The following PDE1C variants were observed in gnomAD, a reference collection of about 807,000 sequenced individuals.
PDE1C encodes the protein phosphodiesterase 1C.
In PDE1C, 62 loss-of-function variants were observed where a neutral mutation model predicts 93.1. The observed-to-expected ratio is 0.67, with a 90% CI of 0.54 to 0.82. PDE1C has a LOEUF of 0.82. Among genes scored for constraint, PDE1C ranks in the 40% least tolerant of loss-of-function variants. PDE1C has a pLI of 0.00. For synonymous variants in PDE1C, 325 were observed against 310.1 expected, an observed-to-expected ratio of 1.05 and a Z score of -0.50; for missense variants, 742 against 884.6, an observed-to-expected ratio of 0.84 and a Z score of 2.04.
chr7:32,068,914 C>T (rs1795710159), intron 1 of PDE1C, among the ~76,000 whole-genome samples: 1 of 152,192 alleles, frequency 6.6e-6, no homozygotes, highest in South Asian at 2.1e-4. Flanking sequence ...TACAATCGGA[C>T]GTAATGTTCA....
rs1812799261 is a variant in PDE1C at position 32,298,870 on chromosome 7, C to T, written c.-135G>A. Reference sequence around the variant, plus strand: ...GCCGCGCTGTCACTCTCAGCCCCGCCGCGCGCTGGCAGCTGAGCGCCTGGA... The same window carrying T: ...GCCGCGCTGTCACTCTCAGCCCCGCTGCGCGCTGGCAGCTGAGCGCCTGGA... On this transcript the variant is annotated 5_prime_UTR_variant, in exon 1 of 19. Transcript: ENST00000396193. 5.1e-6 allele frequency: 7 copies of T among 1,376,522 alleles called. No individual in the cohort carries two copies. The South Asian group carries it at 1.2e-4, about 24-fold the overall frequency. The allele number at this position is 1,376,522 out of a possible 1,614,324, so 85.3% of individuals were successfully genotyped here.
chr7:31,809,870 T>C lies in PDE1C; in HGVS notation c.1814-762A>G, dbSNP rs1787339131. 2.0e-5 allele frequency among the ~76,000 whole-genome samples: 3 copies of C among 152,098 alleles called. No homozygotes were observed. The South Asian group carries it at 6.2e-4, about 32-fold the overall frequency. On this transcript the variant is annotated intron_variant, in intron 15 of 17. Transcript: ENST00000396191. ...TCACAGTACCTAGGCTTGAATCAAA[T>C]AGTAAGTAAAGTTAAACACAGTCAT...
intron 1 of PDE1C, among the ~76,000 whole-genome samples, chr7:32,371,863 G>C (rs888799034): frequency 2.6e-5 from 4 of 152,036 alleles, no homozygotes; most frequent in Non-Finnish European, 5.9e-5. Flanking sequence ...GCCAAGGCAG[G>C]GGATTCAGAA....
intron 2 of PDE1C, among the ~76,000 whole-genome samples, chr7:31,964,847 G>A (rs75601342): frequency 6.6e-6 from 1 of 152,152 alleles, no homozygotes; most frequent in Admixed American, 6.5e-5. Context: ...AGGCAAACAG[G>A]GTCTGGAGTG....
intron 1 of PDE1C, among the ~76,000 whole-genome samples, chr7:32,228,444 C>T (rs765471481): frequency 6.6e-6 from 1 of 152,148 alleles, no homozygotes; most frequent in Non-Finnish European, 1.5e-5. Context: ...TTATTTCCAT[C>T]TTACAAATGA....
At chr7:31,793,710 A>T (rs896580691) in intron 16 of PDE1C, among the ~76,000 whole-genome samples, 4 of 151,880 alleles carry the variant, frequency 2.6e-5, no homozygotes, top group African/African-American at 9.7e-5. Flanking sequence ...GAAAACATTA[A>T]GAAAAAACAA....
chr7:31,682,090 C>T, the PDE1C span, among the ~76,000 whole-genome samples: 2 of 152,120 alleles, frequency 1.3e-5, no homozygotes, highest in African/African-American at 4.8e-5. Context: ...CTCCCTGGGC[C>T]TCACTTTCTT....
chr7:32,339,196 G>T (rs1280724319), intron 1 of PDE1C, among the ~76,000 whole-genome samples: 1 of 150,780 alleles, frequency 6.6e-6, no homozygotes, highest in Admixed American at 6.6e-5. Context: ...AGTCATAATA[G>T]GACAACTACT....
At chr7:31,743,137 G>A in the PDE1C span, among the ~76,000 whole-genome samples, 1 of 151,920 alleles carries the variant, frequency 6.6e-6, no homozygotes, top group African/African-American at 2.4e-5. Context: ...ATCTCCATTT[G>A]GCAGCCACAG....
upstream of PDE1C, among the ~76,000 whole-genome samples, chr7:32,071,718 G>T (rs187561501): frequency 3.3e-5 from 5 of 152,244 alleles, no homozygotes; most frequent in East Asian, 9.7e-4. Context: ...AAGGTAGAAT[G>T]CTCTGGAAGA....
Position 31,816,105 on chromosome 7 carries a change from C to T in PDE1C, c.1632G>A (p.Glu544=). The part of the protein sequence containing the change: ...EAEEKARLAA[E]EQQKEMEAKS... The stretch of plus-strand genomic sequence containing the variant: ...TGGCTTCCATTTCCTTTTGCTGCTC[C>T]TCTGCGGCCAGGCGAGCCTTTTCCT... Residue 544 remains glutamate (E), a synonymous_variant, in exon 15 of 18, where the codon GAG becomes GAA. Coordinates refer to ENST00000396191, the MANE Select transcript of PDE1C (RefSeq NM_001191057.4). 1 of 1,613,986 alleles carries T rather than the reference C, an allele frequency of 6.2e-7. No homozygotes were observed. The highest frequency in any genetic ancestry group is 8.5e-7 in the Non-Finnish European group (1 of 1,179,938).
intron 5 of PDE1C, among the ~76,000 whole-genome samples, chr7:31,875,254 C>G (rs192750315): frequency 1.3e-5 from 2 of 152,232 alleles, no homozygotes; most frequent in Non-Finnish European, 2.9e-5. Context: ...GGAAAGGGCT[C>G]TCTATCACTA....
intron 9 of PDE1C, among the ~76,000 whole-genome samples, chr7:31,846,086 C>T (rs1195433156): frequency 2.0e-5 from 3 of 152,030 alleles, no homozygotes; most frequent in Admixed American, 1.3e-4. Context: ...TGTGTGAGGG[C>T]TTATTTAGAT....
chr7:32,200,918 A>G (rs1804962429), intron 2 of PDE1C, among the ~76,000 whole-genome samples: 1 of 152,240 alleles, frequency 6.6e-6, no homozygotes, highest in Admixed American at 6.5e-5. Context: ...ATATGTTTTA[A>G]GAGTCCGAGT....
chr7:31,848,339 A>C (rs1792884100), intron 8 of PDE1C, among the ~76,000 whole-genome samples: 1 of 152,202 alleles, frequency 6.6e-6, no homozygotes, highest in South Asian at 2.1e-4. Flanking sequence ...GAACTCTCTC[A>C]AAACTGTTTT....
At chr7:32,249,442 AG>A (rs1809202147) in intron 1 of PDE1C, among the ~76,000 whole-genome samples, 1 of 151,978 alleles carries the variant, frequency 6.6e-6, no homozygotes, top group Admixed American at 6.6e-5. Context: ...GCTGGAAACA[AG>A]GGTGTCCCCT....
intron 3 of PDE1C, among the ~76,000 whole-genome samples, chr7:32,083,575 C>G (rs371970340): frequency 6.6e-5 from 10 of 152,056 alleles, no homozygotes; most frequent in Admixed American, 2.0e-4. Flanking sequence ...TGAAATGAAG[C>G]AAAAAATGTT....
At chr7:32,219,665 C>CT (rs1562591611) in intron 1 of PDE1C, among the ~76,000 whole-genome samples, 2 of 152,188 alleles carry the variant, frequency 1.3e-5, no homozygotes, top group Non-Finnish European at 2.9e-5. Context: ...TGGTGGCCAC[C>CT]ATAAGCATCA....
the PDE1C span, chr7:31,652,577 C>T: frequency 2.5e-6 from 4 of 1,611,648 alleles, no homozygotes; most frequent in Non-Finnish European, 3.4e-6. Flanking sequence ...ATCAATATAA[C>T]TGGATAGAAG....
Sources: allele counts gnomAD v4.1 joint callset (sites outside exome capture counted in the v4.1 genomes callset), GRCh38; gene constraint gnomAD v4.1.1; transcripts MANE v1.5; gene names NCBI Gene and HGNC (gene_info 2026-07-23, HGNC 2026-07-21).